HSPA4: variants seen among roughly 807,000 people sequenced by gnomAD.
HSPA4 encodes the protein heat shock 70 kDa protein 4.
A neutral mutation model predicts 106.2 loss-of-function variants in HSPA4; 25 were observed. The ratio of observed to expected loss-of-function variants is 0.24; its 90% CI spans 0.17 to 0.33. The LOEUF (loss-of-function observed/expected upper bound fraction) is 0.33. HSPA4 is among the 10% of genes least tolerant of loss of function. The pLI, the probability that HSPA4 is intolerant of heterozygous loss-of-function variation, is 1.00. For synonymous variants in HSPA4, 332 were observed against 333.6 expected, an observed-to-expected ratio of 1.00 and a Z score of 0.05; for missense variants, 841 against 996.0, an observed-to-expected ratio of 0.84 and a Z score of 2.10.
intron 1 of HSPA4, among the ~76,000 whole-genome samples, chr5:133,063,384 G>C (rs545742954): frequency 1.7e-4 from 26 of 152,148 alleles, no homozygotes; most frequent in African/African-American, 5.8e-4. Context: ...CTCCCAAAAC[G>C]TTGGGATTAC....
chr5:133,104,726 G>A lies in HSPA4; in HGVS notation c.*290G>A, dbSNP rs1051923161. 1.0e-5 allele frequency: 3 copies of A among 296,744 alleles called. No individual in the cohort carries two copies. The highest frequency in any genetic ancestry group is 4.8e-5 in the Admixed American group (1 of 20,800). The allele number at this position is 296,744 out of a possible 1,614,324, so 18.4% of individuals were successfully genotyped here. On this transcript the variant is annotated 3_prime_UTR_variant, in exon 19 of 19. Transcript: ENST00000304858. ...TTTAACCATGTGTCTACAAGAATAAGTTTGTTTTGGAAAGTTGAGCTATAG... is the reference window on the plus strand; with the variant it reads ...TTTAACCATGTGTCTACAAGAATAAATTTGTTTTGGAAAGTTGAGCTATAG...
chr5:133,091,022 G>C (rs1765640489), intron 11 of HSPA4, 171 bp from the exon 12 acceptor site: 4 of 706,526 alleles, frequency 5.7e-6, no homozygotes, highest in Non-Finnish European at 1.0e-5. Context: ...AAAGAAGAAA[G>C]AGAAATCTGA....
At chr5:133,090,531 G>T (rs1349054726) in intron 11 of HSPA4, among the ~76,000 whole-genome samples, 1 of 150,972 alleles carries the variant, frequency 6.6e-6, no homozygotes, top group South Asian at 2.1e-4. Flanking sequence ...GTGTTATCTA[G>T]AGTAGTTATA....
At chr5:133,090,614 TAGAATATATGGGTAA>T (rs1359897570) in intron 11 of HSPA4, among the ~76,000 whole-genome samples, 2 of 152,058 alleles carry the variant, frequency 1.3e-5, no homozygotes, top group African/African-American at 2.4e-5. Context: ...TATAAAGACC[TAGAATATATGGGTAA>T]AGAAATTAGG....
chr5:133,105,510 C>T lies in HSPA4; in HGVS notation c.*1074C>T, dbSNP rs997725738. ...TGTGGTGCCTGATGTTATAACAACA[C>T]CTCATTCTTAACTGTGTGGCCAATG... On this transcript the variant is annotated 3_prime_UTR_variant, in exon 19 of 19. Coordinates refer to ENST00000304858, the MANE Select transcript of HSPA4 (RefSeq NM_002154.4). 6.6e-6 allele frequency: 1 copy of T among 152,138 alleles called. No homozygotes were observed. Among genetic ancestry groups the T allele is most frequent in the African/African-American group, 2.4e-5 (1 of 41,426 alleles). 9.4% of individuals were successfully genotyped at this position (152,138 alleles called of 1,614,324 possible).
intron 1 of HSPA4, among the ~76,000 whole-genome samples, chr5:133,058,234 A>G (rs1018672413): frequency 6.6e-6 from 1 of 152,010 alleles, no homozygotes; most frequent in Non-Finnish European, 1.5e-5. Flanking sequence ...TCTATAAAAA[A>G]TTTAAAACAT....
chr5:133,074,145 T>TA lies in HSPA4; in HGVS notation c.663+19_663+20insA. The TA allele has an allele frequency of 6.5e-7, 1 of 1,535,114 alleles. No homozygotes were observed. Among genetic ancestry groups the TA allele is most frequent in the Admixed American group, 2.0e-5 (1 of 49,928 alleles). ...ACTGAAAGTAAGTATATATTTTTTTTCCAGAAGACTGTTAGTAGTATGGTA... is the reference window on the plus strand; with the variant it reads ...ACTGAAAGTAAGTATATATTTTTTTTACCAGAAGACTGTTAGTAGTATGGTA... On this transcript the variant is annotated intron_variant, in intron 6 of 18. Coordinates refer to ENST00000304858, the MANE Select transcript of HSPA4 (RefSeq NM_002154.4).
At chr5:133,095,983 C>G in intron 13 of HSPA4, 115 bp from the exon 14 acceptor site, 2 of 745,680 alleles carry the variant, frequency 2.7e-6, no homozygotes, top group Admixed American at 3.2e-5. Flanking sequence ...TTACTTAGAT[C>G]ATCATCAAAA....
At chr5:133,085,374 C>T (rs889398870) in intron 7 of HSPA4, among the ~76,000 whole-genome samples, 4 of 151,340 alleles carry the variant, frequency 2.6e-5, no homozygotes, top group African/African-American at 4.9e-5. Context: ...TGCAGACGAC[C>T]GGGTGCGATG....
chr5:133,070,458 A>C lies in HSPA4; in HGVS notation c.391A>C (p.Ser131Arg), dbSNP rs1484476893. The change falls in exon 4 of 19, where the codon AGT becomes CGT. Residue 131 changes from serine (S) to arginine (R), a missense_variant. Physicochemically the swap from Ser to Arg is moderately radical, Grantham distance 110. Around this residue, in one of 5 missense-constraint regions of HSPA4, gnomAD observed 347 missense variants for 408.7 expected, o/e 0.85. Coordinates refer to ENST00000304858, the MANE Select transcript of HSPA4 (RefSeq NM_002154.4). ...GTCCAAACTGAAGGAGACAGCCGAAAGTGTTCTTAAGAAGCCTGTAGTTGA... is the reference window on the plus strand; with the variant it reads ...GTCCAAACTGAAGGAGACAGCCGAACGTGTTCTTAAGAAGCCTGTAGTTGA... The part of the protein sequence containing the change: ...LLSKLKETAE[S>R]VLKKPVVDCV... 1 of 1,613,940 alleles carries C rather than the reference A, an allele frequency of 6.2e-7. No individual in the cohort carries two copies. Among genetic ancestry groups the C allele is most frequent in the East Asian group, 2.2e-5 (1 of 44,860 alleles).
Position 133,104,039 on chromosome 5 carries a change from T to A in HSPA4, c.2319+13T>A. 6.3e-7 allele frequency: 1 copy of A among 1,584,310 alleles called. No homozygotes were observed. Among genetic ancestry groups the A allele is most frequent in the Non-Finnish European group, 8.6e-7 (1 of 1,158,248 alleles). On this transcript the variant is annotated intron_variant, in intron 18 of 18. Transcript: ENST00000304858. ...AGCTAAAATTAAGGTAATTTAAGAC[T>A]TTTTTTTAATAGTCTTTTCTTGACA... is the stretch of plus-strand genomic sequence containing the variant.
intron 1 of HSPA4, among the ~76,000 whole-genome samples, chr5:133,061,125 C>G (rs1367931508): frequency 7.4e-6 from 1 of 135,822 alleles, no homozygotes; most frequent in African/African-American, 2.7e-5. Flanking sequence ...GTTTTCTTTT[C>G]TTTTTTTTTT....
At chr5:133,064,070 C>T (rs1765278786) in intron 1 of HSPA4, among the ~76,000 whole-genome samples, 1 of 152,168 alleles carries the variant, frequency 6.6e-6, no homozygotes, top group African/African-American at 2.4e-5. Context: ...TAAGCGTAAG[C>T]ACAGAGTTTT....
At chr5:133,103,444 C>A (rs554897105) in intron 17 of HSPA4, among the ~76,000 whole-genome samples, 1 of 151,736 alleles carries the variant, frequency 6.6e-6, no homozygotes, top group Non-Finnish European at 1.5e-5. Context: ...TCTCGGCTCA[C>A]TGCAAGCTCC....
At chr5:133,096,003 G>A (rs1288341247) in intron 13 of HSPA4, 95 bp from the exon 14 acceptor site, 2 of 1,054,924 alleles carry the variant, frequency 1.9e-6, no homozygotes, top group East Asian at 2.7e-5. Context: ...AGAGAACGAA[G>A]TAAAAAAAGC....
At chr5:133,055,086 A>G (rs1765142808) in intron 1 of HSPA4, among the ~76,000 whole-genome samples, 1 of 152,224 alleles carries the variant, frequency 6.6e-6, no homozygotes, top group Non-Finnish European at 1.5e-5. Context: ...CCTCAAAGAC[A>G]TTGTGATATA....
At chr5:133,101,626 A>T in intron 16 of HSPA4, 133 bp from the exon 17 acceptor site, 1 of 769,426 alleles carries the variant, frequency 1.3e-6, no homozygotes, top group Non-Finnish European at 2.1e-6. Flanking sequence ...ATATTTCCAA[A>T]GGCCTGGAGA....
chr5:133,097,427 T>G (rs185131275), intron 15 of HSPA4, 141 bp downstream of exon 15: 2 of 578,300 alleles, frequency 3.5e-6, no homozygotes, highest in Non-Finnish European at 5.9e-6. Flanking sequence ...AATTTTATAT[T>G]TTTTTATATA....
intron 6 of HSPA4, 42 bp downstream of exon 6, chr5:133,074,168 G>C (rs1765419082): frequency 7.3e-7 from 1 of 1,368,390 alleles, no homozygotes; most frequent in Admixed American, 2.3e-5. Flanking sequence ...TAGTAGTATG[G>C]TAATTATGAA....
Sources: gnomAD v4.1 joint callset for allele counts (sites outside exome capture counted in the v4.1 genomes callset) on GRCh38, gnomAD v4.1.1 for gene constraint, gnomAD v4.1.1 regional missense constraint, MANE v1.5 for transcripts, NCBI Gene and HGNC (gene_info 2026-07-23, HGNC 2026-07-21) for gene names.